Variants in PHLPP2 observed in about 807,000 individuals in gnomAD.
PHLPP2 encodes the protein PH domain and leucine rich repeat protein phosphatase 2, also known as PH domain leucine-rich repeat-containing protein phosphatase 2.
PHLPP2 carries 66 observed loss-of-function variants against 124.9 expected under a neutral mutation model. The ratio of observed to expected loss-of-function variants is 0.53; its 90% CI spans 0.43 to 0.65. The LOEUF (loss-of-function observed/expected upper bound fraction) is 0.65. Ranked by LOEUF, PHLPP2 falls within the 30% of genes least tolerant of loss-of-function variation. The probability of loss-of-function intolerance (pLI) is 0.00; values close to 1 mark genes in which losing one functional copy is unlikely to be tolerated. For missense variants in PHLPP2, 1,685 were observed against 1,600.4 expected (o/e 1.05, Z -0.90); for synonymous variants, 681 against 624.7 (o/e 1.09, Z -1.34).
At chr16:71,671,891 C>G (rs1432994857) in intron 10 of PHLPP2, among the ~76,000 whole-genome samples, 14 of 151,464 alleles carry the variant, frequency 9.2e-5, no homozygotes, top group Non-Finnish European at 1.3e-4. Flanking sequence ...TCCAGCCTGG[C>G]CGACAGAGCA....
chr16:71,667,135 G>A, intron 12 of PHLPP2, 43 bp downstream of exon 12: 1 of 1,535,238 alleles, frequency 6.5e-7, no homozygotes. Context: ...AGTCTGTTTA[G>A]CCAATGATTC....
At chr16:71,659,647 C>T (rs2044772052) in intron 13 of PHLPP2, among the ~76,000 whole-genome samples, 1 of 152,188 alleles carries the variant, frequency 6.6e-6, no homozygotes, top group East Asian at 1.9e-4. Flanking sequence ...TTATTATACA[C>T]ACAGCACTGT....
chr16:71,691,304 C>G (rs937236903), intron 3 of PHLPP2, among the ~76,000 whole-genome samples: 3 of 151,430 alleles, frequency 2.0e-5, no homozygotes, highest in Non-Finnish European at 4.4e-5. Flanking sequence ...AATACAAAAA[C>G]AAAAAAATTA....
At chr16:71,696,959 G>A (rs2045177974) in intron 3 of PHLPP2, among the ~76,000 whole-genome samples, 1 of 151,958 alleles carries the variant, frequency 6.6e-6, no homozygotes, top group African/African-American at 2.4e-5. Flanking sequence ...CGGATGACTT[G>A]AGGTCAGGAA....
chr16:71,713,076 T>G (rs546211047), intron 2 of PHLPP2, among the ~76,000 whole-genome samples: 15 of 152,328 alleles, frequency 9.8e-5, no homozygotes, highest in Non-Finnish European at 1.9e-4. Context: ...ATAAAAATTT[T>G]TCAACACACA....
intron 7 of PHLPP2, 84 bp from the exon 8 acceptor site, chr16:71,679,069 G>C: frequency 1.3e-6 from 1 of 764,416 alleles, no homozygotes. Flanking sequence ...TCTGATTTAT[G>C]TCACTAATTT....
At position 71,676,632 on chromosome 16, in the gene PHLPP2, G is replaced by A; in HGVS notation, c.1286C>T (p.Thr429Ile). The change falls in exon 9 of 19, where the codon ACC (threonine) becomes ATC (isoleucine). Residue 429 changes from threonine (T) to isoleucine (I), a missense_variant. Transcript: ENST00000568954. ...HVDLRMNHLK[T>I]MVIENLEGNK... ...TCCCTCCAGATTTTCAATAACCATGGTTTTCAAATGGTTCATCCTTAATAC... is the reference window on the plus strand; with the variant it reads ...TCCCTCCAGATTTTCAATAACCATGATTTTCAAATGGTTCATCCTTAATAC... 6.2e-7 allele frequency: 1 copy of A among 1,611,328 alleles called. No individual in the cohort carries two copies. The highest frequency in any genetic ancestry group is 8.5e-7 in the Non-Finnish European group (1 of 1,177,468).
At chr16:71,692,913 C>T (rs1474902082) in intron 3 of PHLPP2, among the ~76,000 whole-genome samples, 3 of 152,006 alleles carry the variant, frequency 2.0e-5, no homozygotes, top group Non-Finnish European at 4.4e-5. Context: ...GAGTTTGGTT[C>T]TCCCAGATCT....
intron 6 of PHLPP2, 74 bp downstream of exon 6, chr16:71,681,677 G>T: frequency 8.9e-7 from 1 of 1,117,962 alleles, no homozygotes; most frequent in Non-Finnish European, 1.2e-6. Flanking sequence ...TACAATGGTA[G>T]CAGGTAGAAG....
Position 71,676,561 on chromosome 16 carries a change from C to G in PHLPP2, c.1357G>C (p.Asp453His). The G allele has an allele frequency of 6.2e-7, 1 of 1,613,974 alleles. No individual in the cohort carries two copies. The highest frequency in any genetic ancestry group is 1.1e-5 in the South Asian group (1 of 91,084). ...CTGCATAAGGAGCTAAGATCCAAGTCAGTCAGTCGGTTGTCCCGCAGATCC... is the reference window on the plus strand; with the variant it reads ...CTGCATAAGGAGCTAAGATCCAAGTGAGTCAGTCGGTTGTCCCGCAGATCC... ...HVDLRDNRLTDLDLSSLCSLE... is the reference protein window; with the variant it reads ...HVDLRDNRLTHLDLSSLCSLE... The change falls in exon 9 of 19, where the codon GAC becomes CAC. Residue 453 changes from aspartate (D) to histidine (H), a missense_variant. Asp to His is a moderately conservative substitution (Grantham distance 81). Coordinates refer to ENST00000568954, the MANE Select transcript of PHLPP2 (RefSeq NM_015020.3).
chr16:71,701,655 G>T (rs2045234221), intron 3 of PHLPP2, among the ~76,000 whole-genome samples: 1 of 152,046 alleles, frequency 6.6e-6, no homozygotes, highest in South Asian at 2.1e-4. Flanking sequence ...TAAAAGAAAG[G>T]TTCAACTTTC....
chr16:71,694,821 G>A (rs939955786), intron 3 of PHLPP2, among the ~76,000 whole-genome samples: 1 of 151,620 alleles, frequency 6.6e-6, no homozygotes, highest in African/African-American at 2.4e-5. Context: ...GTCTTGCTCT[G>A]TCGCCCAGGC....
chr16:71,679,581 T>G, intron 6 of PHLPP2, 46 bp from the exon 7 acceptor site: 3 of 1,518,234 alleles, frequency 2.0e-6, no homozygotes, highest in East Asian at 2.3e-5. Context: ...AATACATCTA[T>G]TACTGTATCT....
chr16:71,701,643 C>T (rs1359969568), intron 3 of PHLPP2, among the ~76,000 whole-genome samples: 4 of 152,058 alleles, frequency 2.6e-5, no homozygotes, highest in Admixed American at 6.5e-5. Context: ...TATAACTGCA[C>T]GTAAAAGAAA....
intron 1 of PHLPP2, among the ~76,000 whole-genome samples, chr16:71,718,180 A>G (rs1377009643): frequency 2.0e-5 from 3 of 152,116 alleles, no homozygotes; most frequent in Admixed American, 1.3e-4. Context: ...AGCATGAGCC[A>G]CCACACCAGG....
Position 71,664,059 on chromosome 16 carries a change from A to C in PHLPP2, c.1825T>G (p.Leu609Val). The change falls in exon 13 of 19, where the codon TTA (leucine) becomes GTA (valine). Residue 609 changes from leucine (L) to valine (V), a missense_variant. Transcript: ENST00000568954. ...TCCTCTCCAGTGCAGGCGGATGGTA[A>C]AGACTCCAGACTATTTGCAGATGCA... ...LNASANSLES[L>V]PSACTGEESL... The C allele has an allele frequency of 6.2e-7, 1 of 1,613,996 alleles. No homozygotes were observed.
chr16:71,714,858 T>C, intron 1 of PHLPP2, 57 bp from the exon 2 acceptor site: 1 of 1,554,872 alleles, frequency 6.4e-7, no homozygotes, highest in Non-Finnish European at 8.7e-7. Flanking sequence ...GAATTAGACA[T>C]TTCAGTCCTC....
At chr16:71,668,335 G>A (rs1244805845) in intron 11 of PHLPP2, among the ~76,000 whole-genome samples, 1 of 140,428 alleles carries the variant, frequency 7.1e-6, no homozygotes, top group East Asian at 2.3e-4. Flanking sequence ...AGGATGGTGT[G>A]AACTCAGGAG....
At chr16:71,662,811 C>G (rs1400959696) in intron 13 of PHLPP2, among the ~76,000 whole-genome samples, 4 of 151,702 alleles carry the variant, frequency 2.6e-5, no homozygotes, top group Admixed American at 2.0e-4. Flanking sequence ...TCACTTCAGC[C>G]CAGGAGTTTG....
Sources: allele counts gnomAD v4.1 joint callset (sites outside exome capture counted in the v4.1 genomes callset), GRCh38; gene constraint gnomAD v4.1.1; transcripts MANE v1.5; gene names NCBI Gene and HGNC (gene_info 2026-07-23, HGNC 2026-07-21).